The following POMGNT2 variants were observed in gnomAD, a reference collection of about 807,000 sequenced individuals.
POMGNT2 encodes protein O-linked-mannose beta-1,4-N-acetylglucosaminyltransferase 2.
Under a neutral mutation model 37.8 loss-of-function variants are expected in POMGNT2, and 32 were observed. That is an observed-to-expected ratio of 0.85 (90% CI 0.64 to 1.14). The LOEUF (loss-of-function observed/expected upper bound fraction) is 1.14, where lower values mean the gene tolerates loss of function less well. Among genes scored for constraint, POMGNT2 ranks in the 50% most tolerant of loss-of-function variants. The pLI, the probability that POMGNT2 is intolerant of heterozygous loss-of-function variation, is 0.00. For synonymous variants in POMGNT2, 340 were observed against 336.8 expected, an observed-to-expected ratio of 1.01 and a Z score of -0.10; for missense variants, 705 against 780.6, an observed-to-expected ratio of 0.90 and a Z score of 1.15.
chr3:43,094,543 A>C (rs1246275961), intron 1 of POMGNT2, among the ~76,000 whole-genome samples: 2 of 152,260 alleles, frequency 1.3e-5, no homozygotes, highest in African/African-American at 2.4e-5. Flanking sequence ...TTAGAGACTG[A>C]AGAGACTTGG....
intron 1 of POMGNT2, among the ~76,000 whole-genome samples, chr3:43,085,823 A>G (rs1559416518): frequency 6.6e-6 from 1 of 152,136 alleles, no homozygotes; most frequent in East Asian, 1.9e-4. Flanking sequence ...AAAGAGACCA[A>G]GCTTCCTTGG....
intron 1 of POMGNT2, among the ~76,000 whole-genome samples, chr3:43,097,846 C>A (rs2125710526): frequency 6.6e-6 from 1 of 152,382 alleles, no homozygotes; most frequent in East Asian, 1.9e-4. Context: ...AGGCCTGGGG[C>A]TGCTGGCCTC....
At chr3:43,100,704 G>C (rs1317422236) in intron 1 of POMGNT2, among the ~76,000 whole-genome samples, 1 of 152,150 alleles carries the variant, frequency 6.6e-6, no homozygotes, top group African/African-American at 2.4e-5. Context: ...GATGAAGCAT[G>C]GTATCCAGTT....
chr3:43,091,838 A>G (rs2089946365), intron 1 of POMGNT2, among the ~76,000 whole-genome samples: 1 of 152,168 alleles, frequency 6.6e-6, no homozygotes, highest in South Asian at 2.1e-4. Flanking sequence ...CTAAATGGGG[A>G]TTCGTGATTC....
intron 1 of POMGNT2, among the ~76,000 whole-genome samples, chr3:43,095,101 T>A (rs1165585981): frequency 6.6e-6 from 1 of 152,222 alleles, no homozygotes; most frequent in East Asian, 1.9e-4. Context: ...CCATTTTCCA[T>A]CCAGAGAGAG....
In POMGNT2 at chr3:43,081,573, C is replaced by T. The variant is rs1165352545; in HGVS notation, c.-105-37G>A. 6 of 757,316 alleles carry T rather than the reference C, an allele frequency of 7.9e-6. No homozygotes were observed. In the East Asian group the frequency reaches 1.4e-4, roughly 17 times the overall value. 46.9% of individuals were successfully genotyped at this position (757,316 alleles called of 1,614,324 possible). A position where few individuals can be genotyped will look rare whatever the true frequency, so the allele number is the denominator to read the frequency against. ...GAGAAGGAAAAGAAAAAGGAATTGG[C>T]AGTCTTCCTGGCATCATTACAAGCT... On this transcript the variant is annotated intron_variant, in intron 1 of 1. Coordinates refer to ENST00000344697, the MANE Select transcript of POMGNT2 (RefSeq NM_032806.6).
rs751781245 is a variant in POMGNT2, at chr3:43,080,035, T to C, written c.1397A>G (p.Lys466Arg). ...SLIQTIRRVVKGRPGPRKQKW... is the reference protein window; with the variant it reads ...SLIQTIRRVVRGRPGPRKQKW... The stretch of plus-strand genomic sequence containing the variant: ...CTGCTTCCGTGGTCCTGGCCGGCCC[T>C]TCACCACGCGCCGTATGGTTTGAAT... The change falls in exon 2 of 2, where the codon AAG becomes AGG. Residue 466 changes from lysine to arginine, a missense_variant. Transcript: ENST00000344697. 1.2e-6 allele frequency: 2 copies of C among 1,613,866 alleles called. No homozygotes were observed. Among genetic ancestry groups the C allele is most frequent in the Non-Finnish European group, 1.7e-6 (2 of 1,180,016 alleles).
chr3:43,080,549 T>C lies in POMGNT2; in HGVS notation c.883A>G (p.Thr295Ala). The C allele has an allele frequency of 1.2e-6, 2 of 1,614,212 alleles. No homozygotes were observed. Among genetic ancestry groups the C allele is most frequent in the Non-Finnish European group, 8.5e-7 (1 of 1,180,030 alleles). ...TCATTCAGAATGAGTCTGTTCTGGGTTCGGCTAAAGACCAGAATGTACTCC... is the reference window on the plus strand; with the variant it reads ...TCATTCAGAATGAGTCTGTTCTGGGCTCGGCTAAAGACCAGAATGTACTCC... Reference protein sequence around the residue: ...GEEYILVFSRTQNRLILNEAE... With the variant: ...GEEYILVFSRAQNRLILNEAE... The change falls in exon 2 of 2, where the codon ACC (threonine) becomes GCC (alanine). Residue 295 changes from threonine to alanine, a missense_variant. Coordinates refer to ENST00000344697, the MANE Select transcript of POMGNT2 (RefSeq NM_032806.6).
Position 43,080,401 on chromosome 3 carries a change from A to T in POMGNT2, c.1031T>A (p.Met344Lys). The T allele has an allele frequency of 1.2e-6, 2 of 1,614,154 alleles. No individual in the cohort carries two copies. Among genetic ancestry groups the T allele is most frequent in the Non-Finnish European group, 1.7e-6 (2 of 1,180,020 alleles). Residue 344 changes from methionine (M) to lysine (K), a missense_variant, in exon 2 of 2, where the codon ATG becomes AAG. Met to Lys is a moderately conservative substitution (Grantham distance 95, BLOSUM62 -1). Transcript: ENST00000344697. ...GGTGGTGACCAGCTGGGCCCCATGC[A>T]TGCTGACCAGCATGGAGGCATTGCT... ...LVSNASMLVS[M>K]HGAQLVTTLF... is the part of the protein sequence containing the mutation.
In POMGNT2 at chr3:43,080,308, G is replaced by A. The variant is rs762080004; in HGVS notation, c.1124C>T (p.Thr375Ile). 1.9e-5 allele frequency: 31 copies of A among 1,614,114 alleles called. No individual in the cohort carries two copies. The highest frequency in any genetic ancestry group is 2.5e-5 in the Non-Finnish European group (29 of 1,180,056). ...FPYAVNPDHYTPYKTLAMLPG... is the reference protein window; with the variant it reads ...FPYAVNPDHYIPYKTLAMLPG... Reference sequence around the variant, plus strand: ...CAGCATGGCCAGCGTCTTATAGGGAGTGTAGTGGTCGGGATTGACAGCATA... The same window carrying A: ...CAGCATGGCCAGCGTCTTATAGGGAATGTAGTGGTCGGGATTGACAGCATA... Residue 375 changes from threonine to isoleucine, a missense_variant, in exon 2 of 2, where the codon ACT (threonine) becomes ATT (isoleucine). Coordinates refer to ENST00000344697, the MANE Select transcript of POMGNT2 (RefSeq NM_032806.6).
intron 1 of POMGNT2, among the ~76,000 whole-genome samples, chr3:43,099,551 G>A (rs1486613840): frequency 6.6e-6 from 1 of 152,188 alleles, no homozygotes; most frequent in Admixed American, 6.5e-5. Context: ...CAGTTCAGTG[G>A]GCACTGCATA....
intron 1 of POMGNT2, among the ~76,000 whole-genome samples, chr3:43,099,448 G>A (rs1443828670): frequency 6.6e-6 from 1 of 152,180 alleles, no homozygotes; most frequent in Non-Finnish European, 1.5e-5. Context: ...AAATCTGTCT[G>A]CAGCAAGCAT....
intron 1 of POMGNT2, among the ~76,000 whole-genome samples, chr3:43,088,815 C>T (rs201890054): frequency 6.6e-5 from 10 of 152,356 alleles, no homozygotes; most frequent in East Asian, 5.8e-4. Flanking sequence ...GGTGACATCT[C>T]CAAGCCCCAT....
rs1302863055 is a variant in POMGNT2 at position 43,106,074 on chromosome 3, C to CT, written c.-345dup. On this transcript the variant is annotated 5_prime_UTR_variant, in exon 1 of 2. Transcript: ENST00000344697. ...CCGGCGGGCGAGCCCGGCGCGGAGC[C>CT]TGTGCGCCTGCGCAGAGCCGCGAGT... The CT allele has an allele frequency of 2.0e-5, 3 of 151,854 alleles. No homozygotes were observed. Among genetic ancestry groups the CT allele is most frequent in the Admixed American group, 2.0e-4 (3 of 15,258 alleles). 9.4% of individuals were successfully genotyped at this position (151,854 alleles called of 1,614,324 possible).
At chr3:43,092,887 G>T (rs2089954085) in intron 1 of POMGNT2, among the ~76,000 whole-genome samples, 1 of 152,170 alleles carries the variant, frequency 6.6e-6, no homozygotes, top group Non-Finnish European at 1.5e-5. Context: ...AACAAAACTA[G>T]GCCCTCTCTG....
At chr3:43,095,405 C>T (rs1001434125) in intron 1 of POMGNT2, among the ~76,000 whole-genome samples, 5 of 152,198 alleles carry the variant, frequency 3.3e-5, no homozygotes, top group African/African-American at 1.2e-4. Context: ...AGATGGGATC[C>T]GTACAGGACA....
chr3:43,093,164 TC>T (rs2125708367), intron 1 of POMGNT2, among the ~76,000 whole-genome samples: 1 of 152,236 alleles, frequency 6.6e-6, no homozygotes, highest in South Asian at 2.1e-4. Flanking sequence ...GAGTCTAGGG[TC>T]CACATCTGGA....
rs375879947 is a variant in POMGNT2, at chr3:43,080,497, T to A, written c.935A>T (p.Gln312Leu). The change falls in exon 2 of 2, where the codon CAG (glutamine) becomes CTG (leucine). Residue 312 changes from glutamine to leucine, a missense_variant. Transcript: ENST00000344697. The part of the protein sequence containing the change: ...NEAELLLALA[Q>L]EFQMKTVTVS... ...TGTCACTGTCTTCATCTGGAACTCC[T>A]GGGCCAGTGCCAGCAGCAGCTCTGC... 6.2e-7 allele frequency: 1 copy of A among 1,614,220 alleles called. No individual in the cohort carries two copies.
At position 43,081,421 on chromosome 3, in the gene POMGNT2, G is replaced by A. The variant is rs536444876; in HGVS notation, c.11C>T (p.Ser4Leu). Residue 4 changes from serine (S) to leucine (L), a missense_variant, in exon 2 of 2, where the codon TCG (serine) becomes TTG (leucine). By Grantham distance (145) the Ser-to-Leu change is moderately radical. Coordinates refer to ENST00000344697, the MANE Select transcript of POMGNT2 (RefSeq NM_032806.6). The part of the protein sequence containing the change: MHL[S>L]AVFNALLVSV... Reference sequence around the variant, plus strand: ...CACCAGGAGGGCGTTGAACACCGCCGAGAGGTGCATCCTAATGCCACTGTG... The same window carrying A: ...CACCAGGAGGGCGTTGAACACCGCCAAGAGGTGCATCCTAATGCCACTGTG... The A allele has an allele frequency of 1.7e-5, 26 of 1,570,510 alleles. No individual in the cohort carries two copies. The highest frequency in any genetic ancestry group is 3.6e-5 in the South Asian group (3 of 83,500).
Sources: allele counts gnomAD v4.1 joint callset (sites outside exome capture counted in the v4.1 genomes callset), GRCh38; gene constraint gnomAD v4.1.1; transcripts MANE v1.5; gene names NCBI Gene and HGNC (gene_info 2026-07-23, HGNC 2026-07-21).